Variants in GSPT1 observed in about 807,000 individuals in gnomAD.
GSPT1 encodes the protein eukaryotic peptide chain release factor GTP-binding subunit ERF3A.
GSPT1 carries 20 observed loss-of-function variants against 72.5 expected under a neutral mutation model. The ratio of observed to expected loss-of-function variants is 0.28; its 90% CI spans 0.19 to 0.40. The LOEUF (loss-of-function observed/expected upper bound fraction) is 0.40. Ranked by LOEUF, GSPT1 falls within the 10% of genes least tolerant of loss-of-function variation. GSPT1 has a pLI of 1.00. For missense variants in GSPT1, 580 were observed against 811.9 expected (o/e 0.71, Z 3.47); for synonymous variants, 334 against 293.5 (o/e 1.14, Z -1.41).
chr16:11,915,846 C>T lies in GSPT1; in HGVS notation c.-126G>A. 6.9e-7 allele frequency: 1 copy of T among 1,443,570 alleles called. No individual in the cohort carries two copies. Among genetic ancestry groups the T allele is most frequent in the South Asian group, 1.1e-5 (1 of 88,012 alleles). 89.4% of individuals were successfully genotyped at this position (1,443,570 alleles called of 1,614,324 possible). A position where few individuals can be genotyped will look rare whatever the true frequency, so the allele number is the denominator to read the frequency against. On this transcript the variant is annotated 5_prime_UTR_variant, in exon 1 of 15. Transcript: ENST00000434724. Reference sequence around the variant, plus strand: ...GGGCAGAAGGGCCGGGAGCTAGCGACAAAGATCCCCGGCGTCGCCGCGGCA... The same window carrying T: ...GGGCAGAAGGGCCGGGAGCTAGCGATAAAGATCCCCGGCGTCGCCGCGGCA...
chr16:11,894,500 G>T (rs1054552256), intron 5 of GSPT1, among the ~76,000 whole-genome samples: 1 of 152,098 alleles, frequency 6.6e-6, no homozygotes, highest in African/African-American at 2.4e-5. Flanking sequence ...TCAAGAGCTG[G>T]TTGTCATTAT....
chr16:11,880,651 C>T (rs2054110662), intron 11 of GSPT1, among the ~76,000 whole-genome samples: 1 of 152,056 alleles, frequency 6.6e-6, no homozygotes, highest in Admixed American at 6.6e-5. Context: ...TTTTATTTCC[C>T]TAATAGTTAG....
rs989103655 is a variant in GSPT1, at chr16:11,875,993, G to A, written c.1693-64C>T. On this transcript the variant is annotated intron_variant, in intron 13 of 14. Transcript: ENST00000434724. ...CAAATAAAATAATCTTTAAGAACAG[G>A]TGTAGAAATAAAAGTGCATCACTGT... is the stretch of plus-strand genomic sequence containing the variant. 1.9e-5 allele frequency: 28 copies of A among 1,512,878 alleles called. No homozygotes were observed. The African/African-American group carries it at 3.0e-4, about 16-fold the overall frequency. The allele number at this position is 1,512,878 out of a possible 1,614,324, so 93.7% of individuals were successfully genotyped here. A position where few individuals can be genotyped will look rare whatever the true frequency, so the allele number is the denominator to read the frequency against.
At chr16:11,911,081 C>T (rs2054551411) in intron 1 of GSPT1, among the ~76,000 whole-genome samples, 1 of 152,172 alleles carries the variant, frequency 6.6e-6, no homozygotes, top group South Asian at 2.1e-4. Flanking sequence ...CCCACTGAAG[C>T]CTAAAAACAC....
rs1420335600 is a variant in GSPT1, at chr16:11,879,393, C to CA, written c.1429-1814dup. Reference sequence around the variant, plus strand: ...TGGGCCACAGAAGGAGACTCCGTCTCAAAAAAAAAAGAAAGAAACAAGAGT... The same window carrying CA: ...TGGGCCACAGAAGGAGACTCCGTCTCAAAAAAAAAAAGAAAGAAACAAGAGT... On this transcript the variant is annotated intron_variant, in intron 11 of 14. Transcript: ENST00000434724. Among the ~76,000 whole-genome samples the CA allele has an allele frequency of 3.4e-3, 483 of 140,944 alleles. 4 individuals are homozygous for CA. The highest frequency in any genetic ancestry group is 0.011 in the African/African-American group (423 of 38,222). The allele number at this position is 140,944 out of a possible 152,430, so 92.5% of individuals were successfully genotyped here.
At chr16:11,911,659 T>G (rs1299993887) in intron 1 of GSPT1, among the ~76,000 whole-genome samples, 2 of 150,712 alleles carry the variant, frequency 1.3e-5, no homozygotes, top group Non-Finnish European at 3.0e-5. Flanking sequence ...TTCAAGTGAT[T>G]CTCCTGCCTC....
rs1228172862 is a variant in GSPT1, at chr16:11,915,425, G to A, written c.296C>T (p.Pro99Leu). 1.3e-6 allele frequency: 2 copies of A among 1,510,830 alleles called. No individual in the cohort carries two copies. Among genetic ancestry groups the A allele is most frequent in the Non-Finnish European group, 1.8e-6 (2 of 1,131,306 alleles). 93.6% of individuals were successfully genotyped at this position (1,510,830 alleles called of 1,614,324 possible). The change falls in exon 1 of 15, where the codon CCA (proline) becomes CTA (leucine). Residue 99 changes from proline to leucine, a missense_variant. By Grantham distance (98) the Pro-to-Leu change is moderately conservative. Coordinates refer to ENST00000434724, the MANE Select transcript of GSPT1 (RefSeq NM_002094.4). ...GTGGTTATTGGCGGCGCCGCCAACT[G>A]GGGGTGGCGGCGCTGCCGGGCCCCG... is the stretch of plus-strand genomic sequence containing the variant. Reference protein sequence around the residue: ...FLRGPAAPPPPVGGAANNHGA... With the variant: ...FLRGPAAPPPLVGGAANNHGA...
chr16:11,905,612 A>G (rs1445432822), intron 1 of GSPT1, among the ~76,000 whole-genome samples: 2 of 152,158 alleles, frequency 1.3e-5, no homozygotes, highest in Admixed American at 1.3e-4. Flanking sequence ...AGGCGGGCAG[A>G]TAACTTGAGG....
Position 11,868,144 on chromosome 16 carries a change from A to T in GSPT1, c.*4975T>A, listed in dbSNP as rs1277381846. On this transcript the variant is annotated 3_prime_UTR_variant, in exon 15 of 15. Transcript: ENST00000434724. ...GACAAATCCTTCAAAAGGGAAGATG[A>T]CAACTTTTATTGTTATTACAAAAGC... 6.6e-6 allele frequency: 1 copy of T among 152,216 alleles called. No individual in the cohort carries two copies. Among genetic ancestry groups the T allele is most frequent in the Non-Finnish European group, 1.5e-5 (1 of 68,040 alleles). 9.4% of individuals were successfully genotyped at this position (152,216 alleles called of 1,614,324 possible).
At chr16:11,882,716 A>C (rs1436861179) in intron 11 of GSPT1, 1 of 238,862 alleles carries the variant, frequency 4.2e-6, no homozygotes, top group Non-Finnish European at 8.3e-6. Flanking sequence ...GCACTTTGGG[A>C]GGCCAAGATG....
chr16:11,906,104 T>G (rs1480691894), intron 1 of GSPT1, among the ~76,000 whole-genome samples: 1 of 151,950 alleles, frequency 6.6e-6, no homozygotes, highest in Non-Finnish European at 1.5e-5. Context: ...CTTTTTGAAA[T>G]GGAGTCTCAC....
intron 1 of GSPT1, among the ~76,000 whole-genome samples, chr16:11,902,089 T>TAA (rs34522466): frequency 3.2e-4 from 43 of 133,604 alleles, no homozygotes; most frequent in South Asian, 1.9e-3. Context: ...AACTCCATCT[T>TAA]AAAAAAAAAA....
At position 11,869,397 on chromosome 16, in the gene GSPT1, A is replaced by T. The variant is rs2053953619; in HGVS notation, c.*3722T>A. The T allele has an allele frequency of 6.6e-6, 1 of 152,252 alleles. No homozygotes were observed. Among genetic ancestry groups the T allele is most frequent in the South Asian group, 2.1e-4 (1 of 4,836 alleles). 9.4% of individuals were successfully genotyped at this position (152,252 alleles called of 1,614,324 possible). A position where few individuals can be genotyped will look rare whatever the true frequency, so the allele number is the denominator to read the frequency against. On this transcript the variant is annotated 3_prime_UTR_variant, in exon 15 of 15. Coordinates refer to ENST00000434724, the MANE Select transcript of GSPT1 (RefSeq NM_002094.4). ...ATCACTGAAAAAGTTAGCTGCAAGAAATAAAAGCCTATTATTTGGAGATAG... is the reference window on the plus strand; with the variant it reads ...ATCACTGAAAAAGTTAGCTGCAAGATATAAAAGCCTATTATTTGGAGATAG...
At chr16:11,902,589 CTTTTTT>C (rs138731095) in intron 1 of GSPT1, among the ~76,000 whole-genome samples, 1 of 144,582 alleles carries the variant, frequency 6.9e-6, no homozygotes, top group Admixed American at 7.0e-5. Flanking sequence ...GGAACTGGAT[CTTTTTT>C]TTTTTTTTAA....
intron 1 of GSPT1, among the ~76,000 whole-genome samples, chr16:11,905,377 G>A (rs969797061): frequency 1.3e-5 from 2 of 152,178 alleles, no homozygotes; most frequent in South Asian, 2.1e-4. Context: ...TGTGGTTCTC[G>A]ATTACACTTT....
chr16:11,909,183 A>G (rs2054527111), intron 1 of GSPT1, among the ~76,000 whole-genome samples: 1 of 151,546 alleles, frequency 6.6e-6, no homozygotes. Context: ...GTGCTCGGGA[A>G]AGCCTTATTA....
intron 12 of GSPT1, among the ~76,000 whole-genome samples, chr16:11,876,763 A>G (rs1047090933): frequency 2.0e-5 from 3 of 152,162 alleles, no homozygotes; most frequent in Admixed American, 6.6e-5. Context: ...AAAAGACAGC[A>G]GGCCAACTTT....
At chr16:11,875,692 G>T (rs768112311) in intron 14 of GSPT1, 69 bp downstream of exon 14, 23 of 1,109,504 alleles carry the variant, frequency 2.1e-5, no homozygotes, top group Non-Finnish European at 3.0e-5. Context: ...GTACTGTACT[G>T]AGATGATGAA....
At chr16:11,911,313 T>G (rs1048012651) in intron 1 of GSPT1, among the ~76,000 whole-genome samples, 1 of 152,194 alleles carries the variant, frequency 6.6e-6, no homozygotes, top group African/African-American at 2.4e-5. Flanking sequence ...ACTGAGAATA[T>G]TCTAAAAAGC....
Sources: gnomAD v4.1 joint callset for allele counts (sites outside exome capture counted in the v4.1 genomes callset) on GRCh38, gnomAD v4.1.1 for gene constraint, MANE v1.5 for transcripts, NCBI Gene and HGNC (gene_info 2026-07-23, HGNC 2026-07-21) for gene names.